The following TMEM266 variants were observed in gnomAD, a reference collection of about 807,000 sequenced individuals.
The protein encoded by TMEM266 is transmembrane protein 266.
A neutral mutation model predicts 50.5 loss-of-function variants in TMEM266; 33 were observed. The ratio of observed to expected loss-of-function variants is 0.65; its 90% confidence interval spans 0.50 to 0.87. The LOEUF is 0.87. Ranked by LOEUF, TMEM266 falls within the 40% of genes least tolerant of loss-of-function variation. TMEM266 has a pLI of 0.00. For synonymous variants in TMEM266, 310 were observed against 292.3 expected, an observed-to-expected ratio of 1.06 and a Z score of -0.62; for missense variants, 655 against 695.1, an observed-to-expected ratio of 0.94 and a Z score of 0.65.
intron 1 of TMEM266, among the ~76,000 whole-genome samples, chr15:76,103,002 C>T (rs1020917252): frequency 2.6e-5 from 4 of 151,784 alleles, no homozygotes; most frequent in Admixed American, 6.6e-5. Flanking sequence ...AGGTGGTAAA[C>T]GGGGAGCAAG....
chr15:76,146,726 A>G (rs2142039226), intron 3 of TMEM266, among the ~76,000 whole-genome samples: 1 of 152,350 alleles, frequency 6.6e-6, no homozygotes, highest in African/African-American at 2.4e-5. Context: ...ACTAAGCCAT[A>G]GCCCAAAATA....
Position 76,199,858 on chromosome 15 carries a change from G to C in TMEM266, c.959-2344G>C, listed in dbSNP as rs140505006. Among the ~76,000 whole-genome samples the C allele has an allele frequency of 2.3e-3, 345 of 150,064 alleles. 1 individual carries two copies. The highest frequency in any genetic ancestry group is 8.1e-3 in the African/African-American group (334 of 41,270). The stretch of plus-strand genomic sequence containing the variant: ...AGGGAGGGGTAGAGAATGCACAGGG[G>C]CTTTCCAAGGAAAGGAGACTTCCCA... On this transcript the variant is annotated intron_variant, in intron 9 of 10. Transcript: ENST00000388942.
chr15:76,148,380 C>T (rs757085767), intron 3 of TMEM266, among the ~76,000 whole-genome samples: 2 of 152,126 alleles, frequency 1.3e-5, no homozygotes, highest in Admixed American at 6.5e-5. Context: ...TCGTTCTCAC[C>T]CGGTAGGAAG....
intron 9 of TMEM266, among the ~76,000 whole-genome samples, chr15:76,196,336 A>G (rs560687280): frequency 5.9e-5 from 9 of 152,288 alleles, no homozygotes; most frequent in African/African-American, 2.2e-4. Flanking sequence ...AGCCAGCCCC[A>G]GAGCATCAAC....
rs1364563968 is a variant in TMEM266 at position 76,134,268 on chromosome 15, C to T, written c.5C>T (p.Ala2Val). The T allele has an allele frequency of 6.2e-7, 1 of 1,614,110 alleles. No homozygotes were observed. Among genetic ancestry groups the T allele is most frequent in the Admixed American group, 1.7e-5 (1 of 60,024 alleles). The change falls in exon 2 of 11, where the codon GCT (alanine) becomes GTT (valine). Residue 2 changes from alanine to valine, a missense_variant. Coordinates refer to ENST00000388942, the MANE Select transcript of TMEM266 (RefSeq NM_152335.3). ...CACTAAACACCAAGAAAACCCATGG[C>T]TGTGGCTCCATCTTTCAACATGACC...
chr15:76,102,598 G>A (rs1282059278), intron 1 of TMEM266, among the ~76,000 whole-genome samples: 1 of 152,076 alleles, frequency 6.6e-6, no homozygotes, highest in African/African-American at 2.4e-5. Context: ...TAGCACTTTG[G>A]GAAGCCAAGG....
intron 1 of TMEM266, among the ~76,000 whole-genome samples, chr15:76,079,281 A>C (rs1198846585): frequency 6.7e-6 from 1 of 149,706 alleles, no homozygotes; most frequent in East Asian, 2.0e-4. Flanking sequence ...TGAACCCCAG[A>C]GGCAGAGGTT....
At position 76,204,790 on chromosome 15, in the gene TMEM266, G is replaced by T. The variant is rs1011923522; in HGVS notation, c.*475G>T. 6.5e-6 allele frequency: 1 copy of T among 154,514 alleles called. No individual in the cohort carries two copies. The highest frequency in any genetic ancestry group is 2.4e-5 in the African/African-American group (1 of 41,456). 9.6% of individuals were successfully genotyped at this position (154,514 alleles called of 1,614,324 possible). ...ACCACCATCTGAGCCTATGTCATTT[G>T]TCCTCATTCTCATTCCAGCATGAGC... On this transcript the variant is annotated 3_prime_UTR_variant, in exon 11 of 11. Transcript: ENST00000388942.
intron 1 of TMEM266, among the ~76,000 whole-genome samples, chr15:76,116,896 C>CTTTTTTTT (rs143849730): frequency 7.6e-6 from 1 of 131,662 alleles, no homozygotes; most frequent in Non-Finnish European, 1.7e-5. Flanking sequence ...AGCATATCTT[C>CTTTTTTTT]TTTTTTTTTT....
At chr15:76,177,756 G>A (rs867547412) in intron 8 of TMEM266, among the ~76,000 whole-genome samples, 21 of 152,244 alleles carry the variant, frequency 1.4e-4, no homozygotes, top group African/African-American at 3.9e-4. Context: ...AGCCAGCACC[G>A]TCCAGAGCTG....
chr15:76,085,773 G>A lies in TMEM266; in HGVS notation c.-97+25757G>A, dbSNP rs1229098620. ...ATACAAAAATGTCCACAGGCTGGGCGTGGTGGCTTACACCTGTAATCCCAG... is the reference window on the plus strand; with the variant it reads ...ATACAAAAATGTCCACAGGCTGGGCATGGTGGCTTACACCTGTAATCCCAG... On this transcript the variant is annotated intron_variant, in intron 1 of 10. Coordinates refer to ENST00000388942, the MANE Select transcript of TMEM266 (RefSeq NM_152335.3). Among the ~76,000 whole-genome samples, 6 of 152,268 alleles carry A rather than the reference G, an allele frequency of 3.9e-5. No individual in the cohort carries two copies. In the East Asian group the frequency reaches 1.2e-3, roughly 29 times the overall value.
chr15:76,149,459 A>G (rs1212991092), intron 3 of TMEM266, among the ~76,000 whole-genome samples: 1 of 152,248 alleles, frequency 6.6e-6, no homozygotes, highest in African/African-American at 2.4e-5. Context: ...AATGGAATGA[A>G]TGTTGAAACT....
intron 1 of TMEM266, among the ~76,000 whole-genome samples, chr15:76,125,038 G>A (rs2037399141): frequency 6.6e-6 from 1 of 152,112 alleles, no homozygotes; most frequent in Non-Finnish European, 1.5e-5. Flanking sequence ...ATAAACCCAT[G>A]CCTTTATGGT....
intron 1 of TMEM266, among the ~76,000 whole-genome samples, chr15:76,095,841 G>C (rs1265471217): frequency 6.6e-6 from 1 of 151,956 alleles, no homozygotes; most frequent in Non-Finnish European, 1.5e-5. Flanking sequence ...GTTTAGACTT[G>C]GGAGGGTGTA....
chr15:76,181,161 C>CTA (rs1246145204), intron 8 of TMEM266: 2 of 152,238 alleles, frequency 1.3e-5, no homozygotes, highest in African/African-American at 4.8e-5. Flanking sequence ...GCATCTGAGG[C>CTA]TCAGAGAAAG....
At position 76,171,030 on chromosome 15, in the gene TMEM266, C is replaced by T. The variant is rs769651494; in HGVS notation, c.551C>T (p.Pro184Leu). 9 of 1,612,850 alleles carry T rather than the reference C, an allele frequency of 5.6e-6. No homozygotes were observed. Among genetic ancestry groups the T allele is most frequent in the African/African-American group, 1.3e-5 (1 of 74,922 alleles). The stretch of plus-strand genomic sequence containing the variant: ...GCTGTGATCATCCTATCTTTGGCTC[C>T]GATGGTGGCATCCACTGTGGCCAAT... Residue 184 changes from proline (P) to leucine (L), a missense_variant, in exon 7 of 11, where the codon CCG becomes CTG. Coordinates refer to ENST00000388942, the MANE Select transcript of TMEM266 (RefSeq NM_152335.3).
chr15:76,202,397 G>T, intron 10 of TMEM266, 133 bp downstream of exon 10: 1 of 789,320 alleles, frequency 1.3e-6, no homozygotes, highest in South Asian at 2.1e-5. Context: ...CAGTGCTCAA[G>T]GTTAAAATAT....
chr15:76,176,031 G>C (rs2038271476), intron 8 of TMEM266: 1 of 206,416 alleles, frequency 4.8e-6, no homozygotes, highest in Non-Finnish European at 9.7e-6. Flanking sequence ...TGTCTGCTGA[G>C]GGTTGCTGGG....
intron 3 of TMEM266, among the ~76,000 whole-genome samples, chr15:76,141,494 A>G (rs988270299): frequency 2.6e-5 from 4 of 152,042 alleles, no homozygotes; most frequent in Non-Finnish European, 4.4e-5. Context: ...CTGCCTCTGC[A>G]TCCTAAAGTG....
Sources: gnomAD v4.1 joint callset for allele counts (sites outside exome capture counted in the v4.1 genomes callset) on GRCh38, gnomAD v4.1.1 for gene constraint, MANE v1.5 for transcripts, NCBI Gene and HGNC (gene_info 2026-07-23, HGNC 2026-07-21) for gene names.